KCTD9: variants seen among roughly 807,000 people sequenced by gnomAD.
KCTD9 encodes potassium channel tetramerization domain containing 9.
A neutral mutation model predicts 53.3 loss-of-function variants in KCTD9; 17 were observed. The ratio of observed to expected loss-of-function variants is 0.32; its 90% CI spans 0.22 to 0.48. KCTD9 has a LOEUF of 0.48. Ranked by LOEUF, KCTD9 falls within the 20% of genes least tolerant of loss-of-function variation. The pLI is 0.99. For missense variants in KCTD9, 179 were observed against 465.5 expected, an observed-to-expected ratio of 0.38 and a Z score of 5.66; for synonymous variants, 128 against 162.7, an observed-to-expected ratio of 0.79 and a Z score of 1.62.
At chr8:25,455,713 T>G (rs1300020344) in intron 1 of KCTD9, among the ~76,000 whole-genome samples, 2 of 152,186 alleles carry the variant, frequency 1.3e-5, no homozygotes, top group Non-Finnish European at 2.9e-5. Flanking sequence ...GGTTGTAAGC[T>G]TCCATATCAC....
At chr8:25,440,424 T>C (rs895039782) in intron 4 of KCTD9, 153 bp downstream of exon 4, 27 of 595,148 alleles carry the variant, frequency 4.5e-5, no homozygotes, top group Non-Finnish European at 6.9e-5. Flanking sequence ...CATGTTTTTT[T>C]CTTCAAAAAA....
chr8:25,429,886 G>A lies in KCTD9; in HGVS notation c.1141C>T (p.Pro381Ser). The change falls in exon 12 of 12, where the codon CCA becomes TCA. Residue 381 changes from proline (P) to serine (S), a missense_variant. Coordinates refer to ENST00000221200, the MANE Select transcript of KCTD9 (RefSeq NM_017634.4). ...CTGACACTTTGTGACATGTGTAGTG[G>A]TGTCAGCATCTCTTCAAATATAGCT... ...KGAIFEEMLT[P>S]LHMSQSVR The A allele has an allele frequency of 6.3e-7, 1 of 1,592,718 alleles. No homozygotes were observed. The highest frequency in any genetic ancestry group is 8.6e-7 in the Non-Finnish European group (1 of 1,160,668).
At chr8:25,445,320 A>T (rs979023399) in intron 2 of KCTD9, among the ~76,000 whole-genome samples, 2 of 152,178 alleles carry the variant, frequency 1.3e-5, no homozygotes, top group Admixed American at 1.3e-4. Flanking sequence ...TGTAAAATGA[A>T]GGGTCTAGAA....
intron 8 of KCTD9, 85 bp from the exon 9 acceptor site, chr8:25,435,597 T>C (rs1802002379): frequency 8.1e-7 from 1 of 1,241,256 alleles, no homozygotes; most frequent in African/African-American, 1.5e-5. Flanking sequence ...CACCAAGTTT[T>C]TTTTAGAAGC....
intron 3 of KCTD9, among the ~76,000 whole-genome samples, chr8:25,444,022 C>A (rs1802169068): frequency 6.6e-6 from 1 of 152,096 alleles, no homozygotes. Context: ...TTTCTAAGAT[C>A]AAAACTACCT....
chr8:25,448,242 A>G (rs1470012282), intron 1 of KCTD9, among the ~76,000 whole-genome samples: 1 of 152,238 alleles, frequency 6.6e-6, no homozygotes, highest in Admixed American at 6.5e-5. Context: ...TGCAACATGG[A>G]TGAACCTTTT....
At chr8:25,430,984 C>A (rs1801917991) in intron 11 of KCTD9, among the ~76,000 whole-genome samples, 1 of 151,918 alleles carries the variant, frequency 6.6e-6, no homozygotes, top group African/African-American at 2.4e-5. Flanking sequence ...CACTCACCAC[C>A]ACGCCTGGCT....
At position 25,428,444 on chromosome 8, in the gene KCTD9, G is replaced by A. The variant is rs930240856; in HGVS notation, c.*1413C>T. On this transcript the variant is annotated 3_prime_UTR_variant, in exon 12 of 12. Transcript: ENST00000221200. Reference sequence around the variant, plus strand: ...TAAGCTACGTAAATACTAAAGATATGTCATTCTCCCAAAGGAGACACAGGT... The same window carrying A: ...TAAGCTACGTAAATACTAAAGATATATCATTCTCCCAAAGGAGACACAGGT... 6.6e-6 allele frequency: 1 copy of A among 152,400 alleles called. No homozygotes were observed. Among genetic ancestry groups the A allele is most frequent in the African/African-American group, 2.4e-5 (1 of 41,390 alleles). 9.4% of individuals were successfully genotyped at this position (152,400 alleles called of 1,614,324 possible). A position where few individuals can be genotyped will look rare whatever the true frequency, so the allele number is the denominator to read the frequency against.
intron 1 of KCTD9, among the ~76,000 whole-genome samples, chr8:25,455,057 T>C (rs546944169): frequency 4.1e-4 from 63 of 152,032 alleles, no homozygotes; most frequent in Non-Finnish European, 6.8e-4. Flanking sequence ...GAAAACCGTC[T>C]CTACTAAAAA....
intron 1 of KCTD9, among the ~76,000 whole-genome samples, chr8:25,456,772 T>C (rs1388867707): frequency 6.6e-6 from 1 of 152,162 alleles, no homozygotes; most frequent in Admixed American, 6.5e-5. Context: ...TTGAGTGGAT[T>C]TGGGAGAGAT....
intron 6 of KCTD9, 102 bp from the exon 7 acceptor site, chr8:25,436,587 T>A (rs2117396851): frequency 2.9e-6 from 2 of 698,510 alleles, no homozygotes; most frequent in East Asian, 2.9e-5. Context: ...TCTTAACATT[T>A]AATTGCCTTT....
At chr8:25,450,539 T>C in intron 1 of KCTD9, 5 of 817,686 alleles carry the variant, frequency 6.1e-6, no homozygotes, top group Non-Finnish European at 7.4e-6. Context: ...AGTCTGGGCA[T>C]GGTGGCTCAA....
intron 1 of KCTD9, among the ~76,000 whole-genome samples, chr8:25,447,575 C>T (rs982185793): frequency 1.3e-5 from 2 of 152,084 alleles, no homozygotes; most frequent in Non-Finnish European, 2.9e-5. Context: ...AAATGGAGGA[C>T]ATGGAAAAAG....
At chr8:25,434,976 C>T (rs1801992671) in intron 9 of KCTD9, among the ~76,000 whole-genome samples, 1 of 152,156 alleles carries the variant, frequency 6.6e-6, no homozygotes, top group African/African-American at 2.4e-5. Context: ...CTGTCAAATA[C>T]TTCTTGAGCA....
chr8:25,429,296 G>A lies in KCTD9; in HGVS notation c.*561C>T, dbSNP rs1189714186. ...AAGTAAACATTATAAAAATGAACCTGAAAAGAGTCTTAGGGAGTCTGATCT... is the reference window on the plus strand; with the variant it reads ...AAGTAAACATTATAAAAATGAACCTAAAAAGAGTCTTAGGGAGTCTGATCT... On this transcript the variant is annotated 3_prime_UTR_variant, in exon 12 of 12. Transcript: ENST00000221200. 6.5e-6 allele frequency: 1 copy of A among 152,772 alleles called. No individual in the cohort carries two copies. The allele number at this position is 152,772 out of a possible 1,614,324, so 9.5% of individuals were successfully genotyped here.
intron 8 of KCTD9, 62 bp downstream of exon 8, chr8:25,436,173 A>T (rs1802015082): frequency 9.8e-7 from 1 of 1,017,044 alleles, no homozygotes; most frequent in East Asian, 2.4e-5. Context: ...CACTAGAAGA[A>T]TGTAAAATTT....
intron 5 of KCTD9, 95 bp from the exon 6 acceptor site, chr8:25,439,502 T>C: frequency 6.4e-7 from 1 of 1,554,424 alleles, no homozygotes; most frequent in Non-Finnish European, 8.8e-7. Flanking sequence ...GTTTTTACTC[T>C]TAAAAACTGA....
chr8:25,458,336 C>T lies in KCTD9; in HGVS notation c.-90G>A. ...TTCTCCTCCCGCCCTTCCCCTCCCT[C>T]CACCCACTCGGATTCGCCTCCCTTC... On this transcript the variant is annotated 5_prime_UTR_variant, in exon 1 of 12. Transcript: ENST00000221200. 2 of 1,465,066 alleles carry T rather than the reference C, an allele frequency of 1.4e-6. No individual in the cohort carries two copies. Among genetic ancestry groups the T allele is most frequent in the South Asian group, 1.2e-5 (1 of 85,260 alleles). 90.8% of individuals were successfully genotyped at this position (1,465,066 alleles called of 1,614,324 possible).
At position 25,429,824 on chromosome 8, in the gene KCTD9, A is replaced by ATCT; in HGVS notation, c.*30_*32dup. 1 of 1,033,866 alleles carries ATCT rather than the reference A, an allele frequency of 9.7e-7. No individual in the cohort carries two copies. The highest frequency in any genetic ancestry group is 1.5e-6 in the Non-Finnish European group (1 of 652,858). 64.0% of individuals were successfully genotyped at this position (1,033,866 alleles called of 1,614,324 possible). A position where few individuals can be genotyped will look rare whatever the true frequency, so the allele number is the denominator to read the frequency against. ...GAAAAGTGATAAGGAAAACATTTTC[A>ATCT]TCTTTTACATCTTCCTCCAGCCCCT... is the stretch of plus-strand genomic sequence containing the variant. On this transcript the variant is annotated 3_prime_UTR_variant, in exon 12 of 12. Coordinates refer to ENST00000221200, the MANE Select transcript of KCTD9 (RefSeq NM_017634.4).
Sources: gnomAD v4.1 joint callset for allele counts (sites outside exome capture counted in the v4.1 genomes callset) on GRCh38, gnomAD v4.1.1 for gene constraint, MANE v1.5 for transcripts, NCBI Gene and HGNC (gene_info 2026-07-23, HGNC 2026-07-21) for gene names.